The following CNTNAP2 variants were observed in gnomAD, a reference collection of about 807,000 sequenced individuals.
CNTNAP2 encodes the protein contactin-associated protein-like 2.
Under a neutral mutation model 155.2 loss-of-function variants are expected in CNTNAP2, and 98 were observed. The ratio of observed to expected loss-of-function variants is 0.63; its 90% CI spans 0.54 to 0.75. The LOEUF (loss-of-function observed/expected upper bound fraction) is 0.75, where lower values mean the gene tolerates loss of function less well. Among genes scored for constraint, CNTNAP2 ranks in the 30% least tolerant of loss-of-function variants. The probability of loss-of-function intolerance (pLI) is 0.00; values close to 1 mark genes in which losing one functional copy is unlikely to be tolerated. For missense variants in CNTNAP2, 1,727 were observed against 1,688.1 expected (o/e 1.02, Z -0.40); for synonymous variants, 651 against 631.2 (o/e 1.03, Z -0.47).
At chr7:146,580,273 G>C (rs939341297) in intron 1 of CNTNAP2, among the ~76,000 whole-genome samples, 1 of 152,002 alleles carries the variant, frequency 6.6e-6, no homozygotes, top group African/African-American at 2.4e-5. Context: ...AACATGCGTT[G>C]TATGACTTGT....
At chr7:148,146,838 C>A (rs1427696396) in intron 16 of CNTNAP2, among the ~76,000 whole-genome samples, 1 of 152,138 alleles carries the variant, frequency 6.6e-6, no homozygotes, top group Non-Finnish European at 1.5e-5. Context: ...CCTCATTACA[C>A]CAACAATTCA....
chr7:146,907,071 A>C (rs1796148606), intron 3 of CNTNAP2, among the ~76,000 whole-genome samples: 1 of 151,622 alleles, frequency 6.6e-6, no homozygotes, highest in Non-Finnish European at 1.5e-5. Context: ...GATGAAATGA[A>C]TGAAATGAAG....
intron 11 of CNTNAP2, among the ~76,000 whole-genome samples, chr7:147,559,114 A>G (rs1800009850): frequency 6.6e-6 from 1 of 151,890 alleles, no homozygotes; most frequent in African/African-American, 2.4e-5. Flanking sequence ...GGCTCCAAGC[A>G]TTCCTCCCAC....
intron 1 of CNTNAP2, among the ~76,000 whole-genome samples, chr7:146,689,756 G>A (rs578250853): frequency 3.0e-4 from 46 of 152,164 alleles, no homozygotes; most frequent in African/African-American, 1.0e-3. Flanking sequence ...TTTCTTCAGG[G>A]AATCAAAAGC....
At chr7:146,954,647 GT>G (rs1160462850) in intron 3 of CNTNAP2, among the ~76,000 whole-genome samples, 1 of 150,638 alleles carries the variant, frequency 6.6e-6, no homozygotes, top group South Asian at 2.1e-4. Flanking sequence ...ATATCTTTTT[GT>G]TTTTTTGCAA....
intron 21 of CNTNAP2, among the ~76,000 whole-genome samples, chr7:148,328,837 A>G (rs887061141): frequency 2.6e-5 from 4 of 151,826 alleles, no homozygotes; most frequent in Non-Finnish European, 4.4e-5. Flanking sequence ...TTAGCCGGGC[A>G]TGGTGGCGCA....
chr7:147,501,670 G>T (rs539370365), intron 11 of CNTNAP2, among the ~76,000 whole-genome samples: 1 of 152,312 alleles, frequency 6.6e-6, no homozygotes, highest in African/African-American at 2.4e-5. Context: ...GGTAATGTAA[G>T]TGTTCTGAGC....
At chr7:147,823,102 A>G (rs1584974523) in intron 13 of CNTNAP2, among the ~76,000 whole-genome samples, 2 of 152,304 alleles carry the variant, frequency 1.3e-5, no homozygotes, top group East Asian at 1.9e-4. Flanking sequence ...GTGTTTAACT[A>G]TATGGAAAAT....
At chr7:146,663,860 T>C (rs907186219) in intron 1 of CNTNAP2, among the ~76,000 whole-genome samples, 3 of 151,996 alleles carry the variant, frequency 2.0e-5, no homozygotes, top group African/African-American at 7.2e-5. Context: ...TTTATTCATT[T>C]ATTTATTTAT....
chr7:147,008,156 T>G (rs1798559177), intron 3 of CNTNAP2, among the ~76,000 whole-genome samples: 1 of 152,108 alleles, frequency 6.6e-6, no homozygotes, highest in Admixed American at 6.6e-5. Flanking sequence ...AGCAAAATAT[T>G]CTAAACTATC....
intron 12 of CNTNAP2, among the ~76,000 whole-genome samples, chr7:147,618,491 A>G (rs1274512885): frequency 6.6e-6 from 1 of 152,114 alleles, no homozygotes; most frequent in Non-Finnish European, 1.5e-5. Context: ...AACAAAAATA[A>G]TACTTAGCTG....
chr7:146,672,881 A>G (rs1013213351), intron 1 of CNTNAP2, among the ~76,000 whole-genome samples: 2 of 152,158 alleles, frequency 1.3e-5, no homozygotes, highest in Non-Finnish European at 2.9e-5. Context: ...ATAAGATAGG[A>G]CCAATATTCT....
chr7:146,245,531 C>T (rs1799632659), intron 1 of CNTNAP2, among the ~76,000 whole-genome samples: 1 of 152,108 alleles, frequency 6.6e-6, no homozygotes, highest in Non-Finnish European at 1.5e-5. Context: ...AGAAAGGCTA[C>T]AGGGTGCAGT....
chr7:147,605,632 G>A (rs762844591), intron 12 of CNTNAP2, among the ~76,000 whole-genome samples: 1 of 152,124 alleles, frequency 6.6e-6, no homozygotes, highest in Non-Finnish European at 1.5e-5. Flanking sequence ...TAGTTGATGA[G>A]ATTCCCAGAG....
intron 1 of CNTNAP2, among the ~76,000 whole-genome samples, chr7:146,297,998 T>A (rs903312094): frequency 6.6e-6 from 1 of 152,108 alleles, no homozygotes; most frequent in Non-Finnish European, 1.5e-5. Flanking sequence ...ACACTTACTA[T>A]AAAACGTGAG....
intron 1 of CNTNAP2, among the ~76,000 whole-genome samples, chr7:146,212,155 G>A (rs927798109): frequency 2.6e-5 from 4 of 152,060 alleles, no homozygotes; most frequent in African/African-American, 7.2e-5. Flanking sequence ...CATCCAGATC[G>A]CAGAGTGTAT....
intron 13 of CNTNAP2, among the ~76,000 whole-genome samples, chr7:147,759,666 C>T (rs1470863241): frequency 2.6e-5 from 4 of 152,210 alleles, no homozygotes; most frequent in African/African-American, 9.7e-5. Flanking sequence ...CAGCTCCTCA[C>T]ATCCTGTGCC....
In CNTNAP2 at chr7:147,143,537, A is replaced by C. The variant is rs571526032; in HGVS notation, c.1348+11028A>C. On this transcript the variant is annotated intron_variant, in intron 8 of 23. Transcript: ENST00000361727. Reference sequence around the variant, plus strand: ...ACCTCTGAGTTTAGCACAATGTCTTACTTATGGCATGTTTCTAGATATCCA... The same window carrying C: ...ACCTCTGAGTTTAGCACAATGTCTTCCTTATGGCATGTTTCTAGATATCCA... Among the ~76,000 whole-genome samples the C allele has an allele frequency of 6.6e-5, 10 of 152,208 alleles. No individual in the cohort carries two copies. In the South Asian group the frequency reaches 2.1e-3, roughly 32 times the overall value.
intron 8 of CNTNAP2, among the ~76,000 whole-genome samples, chr7:147,297,874 A>G (rs1387020240): frequency 6.6e-6 from 1 of 152,184 alleles, no homozygotes; most frequent in Non-Finnish European, 1.5e-5. Context: ...CAGTGCTGCA[A>G]CAAACATAGG....
Sources: allele counts gnomAD v4.1 joint callset (sites outside exome capture counted in the v4.1 genomes callset), GRCh38; gene constraint gnomAD v4.1.1; transcripts MANE v1.5; gene names NCBI Gene and HGNC (gene_info 2026-07-23, HGNC 2026-07-21).